The following GABRB1 variants were observed in gnomAD, a reference collection of about 807,000 sequenced individuals.
GABRB1 encodes gamma-aminobutyric acid receptor subunit beta-1.
A neutral mutation model predicts 51.6 loss-of-function variants in GABRB1; 17 were observed. The ratio of observed to expected loss-of-function variants is 0.33; its 90% CI spans 0.23 to 0.49. GABRB1 has a LOEUF of 0.49. Ranked by LOEUF, GABRB1 falls within the 20% of genes least tolerant of loss-of-function variation. GABRB1 has a pLI of 0.99. For missense variants in GABRB1, 410 were observed against 600.6 expected (o/e 0.68, Z 3.32); for synonymous variants, 247 against 218.9 (o/e 1.13, Z -1.14).
intron 4 of GABRB1, among the ~76,000 whole-genome samples, chr4:47,190,010 A>C (rs988032668): frequency 6.6e-6 from 1 of 152,040 alleles, no homozygotes; most frequent in Admixed American, 6.6e-5. Flanking sequence ...AAAGATTTGG[A>C]AACTGCAGAG....
intron 5 of GABRB1, among the ~76,000 whole-genome samples, chr4:47,381,171 C>T (rs910562777): frequency 6.6e-6 from 1 of 152,102 alleles, no homozygotes; most frequent in African/African-American, 2.4e-5. Context: ...AGAAGCCTCA[C>T]CCTTGGGAGC....
intron 4 of GABRB1, among the ~76,000 whole-genome samples, chr4:47,286,084 G>A (rs554875231): frequency 6.6e-6 from 1 of 152,268 alleles, no homozygotes; most frequent in Admixed American, 6.5e-5. Flanking sequence ...CTTTTTCTAT[G>A]GTATGCAAAT....
At chr4:47,421,834 C>A (rs1218564366) in intron 8 of GABRB1, among the ~76,000 whole-genome samples, 1 of 152,050 alleles carries the variant, frequency 6.6e-6, no homozygotes, top group Non-Finnish European at 1.5e-5. Flanking sequence ...CACTCTATAT[C>A]TCTAAGGAGG....
intron 4 of GABRB1, among the ~76,000 whole-genome samples, chr4:47,274,895 A>G (rs982777303): frequency 9.2e-5 from 14 of 152,154 alleles, no homozygotes; most frequent in African/African-American, 3.4e-4. Context: ...TCCTGTCCAA[A>G]TGGCCATTCC....
At chr4:47,416,210 C>T (rs927962164) in intron 8 of GABRB1, among the ~76,000 whole-genome samples, 1 of 152,130 alleles carries the variant, frequency 6.6e-6, no homozygotes, top group African/African-American at 2.4e-5. Flanking sequence ...AGAAACATAG[C>T]AGGTGAAAAT....
At chr4:47,336,678 T>C (rs966631206) in intron 5 of GABRB1, among the ~76,000 whole-genome samples, 1 of 152,172 alleles carries the variant, frequency 6.6e-6, no homozygotes, top group African/African-American at 2.4e-5. Flanking sequence ...CTAGGACAAA[T>C]GTCCCTGATA....
intron 5 of GABRB1, among the ~76,000 whole-genome samples, chr4:47,385,013 C>T (rs893070482): frequency 2.0e-5 from 3 of 152,152 alleles, no homozygotes; most frequent in Non-Finnish European, 4.4e-5. Context: ...TTCATTTGTC[C>T]TAGTGAACGC....
chr4:47,376,966 A>G (rs1727404683), intron 5 of GABRB1, among the ~76,000 whole-genome samples: 1 of 152,202 alleles, frequency 6.6e-6, no homozygotes, highest in South Asian at 2.1e-4. Flanking sequence ...CATTTTGTAT[A>G]GCCCTTTATT....
intron 1 of GABRB1, among the ~76,000 whole-genome samples, chr4:47,015,149 G>A (rs971509381): frequency 2.6e-5 from 4 of 151,978 alleles, no homozygotes; most frequent in South Asian, 2.1e-4. Context: ...CTTGTGATCC[G>A]CCCACCTCAG....
In GABRB1 at chr4:47,113,108, G is replaced by C. The variant is rs905036127; in HGVS notation, c.241-48141G>C. On this transcript the variant is annotated intron_variant, in intron 3 of 8. Coordinates refer to ENST00000295454, the MANE Select transcript of GABRB1 (RefSeq NM_000812.4). ...CACAGAAAATAAAAAAATCAGGGCCGGGTGCAGTGGTTCGCGCCTGTAATC... is the reference window on the plus strand; with the variant it reads ...CACAGAAAATAAAAAAATCAGGGCCCGGTGCAGTGGTTCGCGCCTGTAATC... Among the ~76,000 whole-genome samples the C allele has an allele frequency of 2.0e-5, 3 of 152,138 alleles. No individual in the cohort carries two copies. The South Asian group carries it at 6.2e-4, about 32-fold the overall frequency.
chr4:47,173,618 T>G (rs1027910572), intron 4 of GABRB1, among the ~76,000 whole-genome samples: 2 of 152,198 alleles, frequency 1.3e-5, no homozygotes, highest in African/African-American at 4.8e-5. Context: ...CTCAAAATTC[T>G]AAGTTATTTT....
At chr4:47,398,765 GT>G (rs1311356871) in intron 5 of GABRB1, among the ~76,000 whole-genome samples, 2 of 147,408 alleles carry the variant, frequency 1.4e-5, no homozygotes, top group African/African-American at 2.6e-5. Context: ...TTTGTGTGAG[GT>G]TTTTTTGTTT....
chr4:47,291,851 C>A (rs1021440505), intron 4 of GABRB1, among the ~76,000 whole-genome samples: 4 of 152,166 alleles, frequency 2.6e-5, no homozygotes, highest in African/African-American at 4.8e-5. Flanking sequence ...AAATAACTAA[C>A]CTGCTTTTGA....
At chr4:47,355,834 G>T (rs538577975) in intron 5 of GABRB1, among the ~76,000 whole-genome samples, 1 of 152,116 alleles carries the variant, frequency 6.6e-6, no homozygotes, top group African/African-American at 2.4e-5. Flanking sequence ...GACTTTTCCT[G>T]AGAGGCTGTA....
chr4:47,262,184 T>A (rs984128930), intron 4 of GABRB1, among the ~76,000 whole-genome samples: 1 of 151,494 alleles, frequency 6.6e-6, no homozygotes, highest in African/African-American at 2.4e-5. Context: ...AAAGCCAAAA[T>A]TGACAAATGG....
chr4:47,194,707 A>C (rs1267194621), intron 4 of GABRB1, among the ~76,000 whole-genome samples: 2 of 152,204 alleles, frequency 1.3e-5, no homozygotes, highest in East Asian at 3.8e-4. Flanking sequence ...CAATGAGGAA[A>C]TTTCCAAATG....
At chr4:47,423,627 A>AG (rs1356006069) in intron 8 of GABRB1, among the ~76,000 whole-genome samples, 1 of 152,220 alleles carries the variant, frequency 6.6e-6, no homozygotes, top group African/African-American at 2.4e-5. Context: ...GGCAAAGTAC[A>AG]AAGGTACACA....
At chr4:47,219,656 C>T (rs889660905) in intron 4 of GABRB1, among the ~76,000 whole-genome samples, 4 of 151,780 alleles carry the variant, frequency 2.6e-5, no homozygotes, top group African/African-American at 4.8e-5. Context: ...TTGTAAACTT[C>T]CCACAATCCT....
intron 3 of GABRB1, among the ~76,000 whole-genome samples, chr4:47,098,271 A>T (rs1714549027): frequency 6.6e-6 from 1 of 151,526 alleles, no homozygotes; most frequent in Non-Finnish European, 1.5e-5. Flanking sequence ...TCTTCCCTGG[A>T]GTTAGGTCTT....
Sources: gnomAD v4.1 joint callset for allele counts (sites outside exome capture counted in the v4.1 genomes callset) on GRCh38, gnomAD v4.1.1 for gene constraint, MANE v1.5 for transcripts, NCBI Gene and HGNC (gene_info 2026-07-23, HGNC 2026-07-21) for gene names.